The following DLGAP2 variants were observed in gnomAD, a reference collection of about 807,000 sequenced individuals.
DLGAP2 encodes the protein disks large-associated protein 2.
Under a neutral mutation model 100.3 loss-of-function variants are expected in DLGAP2, and 26 were observed. The ratio of observed to expected loss-of-function variants is 0.26; its 90% CI spans 0.19 to 0.36. The LOEUF (loss-of-function observed/expected upper bound fraction) is 0.36, where lower values mean the gene tolerates loss of function less well. Among genes scored for constraint, DLGAP2 ranks in the 10% least tolerant of loss-of-function variants. DLGAP2 has a pLI of 1.00. For synonymous variants in DLGAP2, 886 were observed against 630.1 expected, an observed-to-expected ratio of 1.41 and a Z score of -6.08; for missense variants, 1,858 against 1,453.2, an observed-to-expected ratio of 1.28 and a Z score of -4.53.
chr8:1,555,338 G>A (rs998125920), intron 5 of DLGAP2, among the ~76,000 whole-genome samples: 12 of 152,124 alleles, frequency 7.9e-5, no homozygotes, highest in African/African-American at 1.9e-4. Flanking sequence ...GGTGACCTCC[G>A]CTTCCAGGAG....
intron 3 of DLGAP2, among the ~76,000 whole-genome samples, chr8:1,498,534 C>T (rs1799616606): frequency 6.6e-6 from 1 of 152,146 alleles, no homozygotes; most frequent in Non-Finnish European, 1.5e-5. Context: ...GGGCATGACT[C>T]CCCAGGCCCC....
intron 2 of DLGAP2, among the ~76,000 whole-genome samples, chr8:1,091,575 G>A (rs1213445045): frequency 6.6e-6 from 1 of 152,224 alleles, no homozygotes; most frequent in East Asian, 1.9e-4. Flanking sequence ...TCAGCCAAGA[G>A]CCCGCAGTGA....
At chr8:1,068,564 CTG>C (rs1434863321) in intron 2 of DLGAP2, among the ~76,000 whole-genome samples, 1 of 152,194 alleles carries the variant, frequency 6.6e-6, no homozygotes, top group Non-Finnish European at 1.5e-5. Flanking sequence ...GTGGCTCTAT[CTG>C]TGCATCCTGT....
intron 3 of DLGAP2, among the ~76,000 whole-genome samples, chr8:1,426,860 T>G (rs911646140): frequency 1.7e-4 from 26 of 151,990 alleles, no homozygotes; most frequent in African/African-American, 5.6e-4. Flanking sequence ...CAACCTTCTA[T>G]TCTACCTGAA....
At chr8:1,500,147 GTCA>G (rs1354610603) in intron 3 of DLGAP2, among the ~76,000 whole-genome samples, 2 of 152,246 alleles carry the variant, frequency 1.3e-5, no homozygotes, top group Admixed American at 6.5e-5. Context: ...ACGCACATGT[GTCA>G]TCATTCTGAT....
intron 1 of DLGAP2, among the ~76,000 whole-genome samples, chr8:900,192 C>G (rs907030503): frequency 7.9e-4 from 120 of 151,536 alleles, no homozygotes; most frequent in African/African-American, 2.7e-3. Flanking sequence ...GGGTGCCCTC[C>G]TCTTCACGGG....
chr8:968,736 A>C (rs1182656645), intron 2 of DLGAP2, among the ~76,000 whole-genome samples: 1 of 152,178 alleles, frequency 6.6e-6, no homozygotes, highest in African/African-American at 2.4e-5. Flanking sequence ...AGCGAGTGAC[A>C]GGCTTTCAGC....
chr8:1,211,322 C>T (rs997425470), intron 2 of DLGAP2, among the ~76,000 whole-genome samples: 3 of 152,170 alleles, frequency 2.0e-5, no homozygotes, highest in East Asian at 1.9e-4. Flanking sequence ...CCTGTGAGGG[C>T]TTTTGCAGGG....
intron 2 of DLGAP2, among the ~76,000 whole-genome samples, chr8:1,243,006 G>A (rs1476653681): frequency 1.3e-5 from 2 of 152,150 alleles, no homozygotes; most frequent in African/African-American, 4.8e-5. Context: ...GTCTTCTCTG[G>A]GGAGCCATTC....
At chr8:761,361 A>G (rs1172818020) in intron 1 of DLGAP2, among the ~76,000 whole-genome samples, 1 of 152,118 alleles carries the variant, frequency 6.6e-6, no homozygotes, top group Non-Finnish European at 1.5e-5. Flanking sequence ...CAGTTCCTCA[A>G]CCACCTCGAA....
chr8:1,159,573 ACT>A (rs1306900242), intron 2 of DLGAP2, among the ~76,000 whole-genome samples: 1 of 52,000 alleles, frequency 1.9e-5, no homozygotes, highest in Non-Finnish European at 3.9e-5. Flanking sequence ...GAAGCAGCAC[ACT>A]CTTCTGTGTA....
chr8:861,265 C>A (rs550117669), intron 1 of DLGAP2, among the ~76,000 whole-genome samples: 1 of 152,272 alleles, frequency 6.6e-6, no homozygotes, highest in African/African-American at 2.4e-5. Context: ...CTAGGAGCTG[C>A]GTATCTGGGA....
chr8:1,232,134 C>T lies in DLGAP2; in HGVS notation c.74-26717C>T, dbSNP rs117571022. On this transcript the variant is annotated intron_variant, in intron 2 of 14. Coordinates refer to ENST00000637795, the MANE Select transcript of DLGAP2 (RefSeq NM_001346810.2). ...GATGGTTATTTGAGGAGCTCTCATC[C>T]AGCACTGTCCCCTTCACGACTGGGT... is the stretch of plus-strand genomic sequence containing the variant. 3.9e-5 allele frequency among the ~76,000 whole-genome samples: 6 copies of T among 152,264 alleles called. No homozygotes were observed. The East Asian group carries it at 9.7e-4, about 24-fold the overall frequency.
intron 2 of DLGAP2, among the ~76,000 whole-genome samples, chr8:1,144,073 T>C (rs1796565812): frequency 6.6e-6 from 1 of 152,214 alleles, no homozygotes; most frequent in South Asian, 2.1e-4. Flanking sequence ...CTCCATTGCA[T>C]ACCTTTCCCC....
chr8:1,371,342 G>A (rs959809517), intron 3 of DLGAP2, among the ~76,000 whole-genome samples: 3 of 152,150 alleles, frequency 2.0e-5, no homozygotes, highest in East Asian at 1.9e-4. Flanking sequence ...CTGTATCCTC[G>A]TGGATGGCAT....
In DLGAP2 at chr8:1,549,508, C is replaced by G; in HGVS notation, c.1055C>G (p.Ser352Trp). ...AAGAGCAACAACGACGTCAAGTGCTCGGCCTGTGAGGGGTTGGCGCTGACG... is the reference window on the plus strand; with the variant it reads ...AAGAGCAACAACGACGTCAAGTGCTGGGCCTGTGAGGGGTTGGCGCTGACG... ...TSKSNNDVKC[S>W]ACEGLALTPD... Residue 352 changes from serine (S) to tryptophan (W), a missense_variant, in exon 5 of 15, where the codon TCG becomes TGG. Transcript: ENST00000637795. The G allele has an allele frequency of 6.2e-7, 1 of 1,613,496 alleles. No homozygotes were observed. The highest frequency in any genetic ancestry group is 8.5e-7 in the Non-Finnish European group (1 of 1,179,846).
intron 3 of DLGAP2, among the ~76,000 whole-genome samples, chr8:1,362,751 A>G (rs1427219097): frequency 6.6e-6 from 1 of 152,252 alleles, no homozygotes; most frequent in African/African-American, 2.4e-5. Context: ...AGTGTCAAGC[A>G]ACAGCGTCCA....
intron 1 of DLGAP2, among the ~76,000 whole-genome samples, chr8:746,367 C>A (rs1240248604): frequency 6.6e-6 from 1 of 152,278 alleles, no homozygotes; most frequent in Non-Finnish European, 1.5e-5. Flanking sequence ...CTGGCATTGT[C>A]TGCAGGCTGC....
intron 2 of DLGAP2, among the ~76,000 whole-genome samples, chr8:1,149,442 T>C (rs1796661967): frequency 6.6e-6 from 1 of 152,198 alleles, no homozygotes; most frequent in Non-Finnish European, 1.5e-5. Context: ...CCACCGCGCC[T>C]GGCCTGAAAT....
Sources: allele counts gnomAD v4.1 joint callset (sites outside exome capture counted in the v4.1 genomes callset), GRCh38; gene constraint gnomAD v4.1.1; transcripts MANE v1.5; gene names NCBI Gene and HGNC (gene_info 2026-07-23, HGNC 2026-07-21).